The following ZHX2 variants were observed in gnomAD, a reference collection of about 807,000 sequenced individuals.
The protein encoded by ZHX2 is zinc fingers and homeoboxes protein 2.
A neutral mutation model predicts 21.9 loss-of-function variants in ZHX2; 6 were observed. The ratio of observed to expected loss-of-function variants is 0.27; its 90% CI spans 0.15 to 0.54. The LOEUF (loss-of-function observed/expected upper bound fraction) is 0.54. Among genes scored for constraint, ZHX2 ranks in the 20% least tolerant of loss-of-function variants. The pLI is 0.95. For missense variants in ZHX2, 908 were observed against 1,090.7 expected, an observed-to-expected ratio of 0.83 and a Z score of 2.36; for synonymous variants, 434 against 437.1, an observed-to-expected ratio of 0.99 and a Z score of 0.09.
At chr8:122,899,108 A>G (rs1023090556) in intron 2 of ZHX2, among the ~76,000 whole-genome samples, 4 of 152,220 alleles carry the variant, frequency 2.6e-5, no homozygotes, top group African/African-American at 9.6e-5. Context: ...GGCCCAAGGC[A>G]CTGAGCTGGA....
At chr8:122,896,708 C>T (rs892058010) in intron 2 of ZHX2, among the ~76,000 whole-genome samples, 37 of 152,348 alleles carry the variant, frequency 2.4e-4, no homozygotes, top group African/African-American at 8.4e-4. Flanking sequence ...AGCCACCTGT[C>T]TGGCTCTGAA....
chr8:122,805,141 A>G (rs779817158), intron 1 of ZHX2, among the ~76,000 whole-genome samples: 1 of 152,082 alleles, frequency 6.6e-6, no homozygotes, highest in Non-Finnish European at 1.5e-5. Flanking sequence ...TGTGAGAAGC[A>G]AAGGAAGCGC....
chr8:122,853,057 C>T (rs888510953), intron 1 of ZHX2, among the ~76,000 whole-genome samples: 2 of 152,176 alleles, frequency 1.3e-5, no homozygotes, highest in Non-Finnish European at 2.9e-5. Context: ...GAAAACTGAT[C>T]TTCCAGTCAC....
Position 122,952,240 on chromosome 8 carries a change from C to A in ZHX2, c.730C>A (p.Pro244Thr), listed in dbSNP as rs1428942557. 1 of 1,614,030 alleles carries A rather than the reference C, an allele frequency of 6.2e-7. No homozygotes were observed. The highest frequency in any genetic ancestry group is 2.2e-5 in the East Asian group (1 of 44,868). ...LLQDTLGHVM[P>T]SVQLPPNINL... ...CCAAGACACATTAGGACACGTCATG[C>A]CTTCTGTACAGCTGCCACCAAATAT... The change falls in exon 3 of 4, where the codon CCT (proline) becomes ACT (threonine). Residue 244 changes from proline (P) to threonine (T), a missense_variant. By Grantham distance (38) the Pro-to-Thr change is conservative. Transcript: ENST00000314393. This position sits in a 1 kb window ranked among gnomAD's most constrained non-coding sequence, Gnocchi z 6.9.
chr8:122,810,985 A>T (rs1292756453), intron 1 of ZHX2, among the ~76,000 whole-genome samples: 2 of 152,110 alleles, frequency 1.3e-5, no homozygotes, highest in Non-Finnish European at 2.9e-5. Flanking sequence ...GGAATGTTTG[A>T]TGTTAGAGTT....
At position 122,782,430 on chromosome 8, in the gene ZHX2, C is replaced by A. The variant is rs1291707714; in HGVS notation, c.-283+484C>A. Among the ~76,000 whole-genome samples, 1 of 152,110 alleles carries A rather than the reference C, an allele frequency of 6.6e-6. No individual in the cohort carries two copies. The highest frequency in any genetic ancestry group is 2.4e-5 in the African/African-American group (1 of 41,420). ...GCGCTTTGTGCAAACGGGGCAGGTC[C>A]CGCGGGGACTCCACCGGGACGTGGC... On this transcript the variant is annotated intron_variant, in intron 1 of 3. Transcript: ENST00000314393. This position sits in a 1 kb window ranked among gnomAD's most constrained non-coding sequence, Gnocchi z 5.3.
At chr8:122,814,916 A>G (rs576942350) in intron 1 of ZHX2, among the ~76,000 whole-genome samples, 1 of 152,292 alleles carries the variant, frequency 6.6e-6, no homozygotes, top group Non-Finnish European at 1.5e-5. Flanking sequence ...TAGGTCTGGG[A>G]AAATTAGCAG....
At position 122,789,973 on chromosome 8, in the gene ZHX2, G is replaced by A. The variant is rs190550291; in HGVS notation, c.-283+8027G>A. Among the ~76,000 whole-genome samples, 15 of 152,338 alleles carry A rather than the reference G, an allele frequency of 9.8e-5. No individual in the cohort carries two copies. The East Asian group carries it at 2.1e-3, about 22-fold the overall frequency. ...TCTTGGGCAGAAAGAGCCACAGAAC[G>A]GAAACGGTCTTGATCACTTCACAGT... On this transcript the variant is annotated intron_variant, in intron 1 of 3. Transcript: ENST00000314393.
intron 1 of ZHX2, among the ~76,000 whole-genome samples, chr8:122,825,329 C>T (rs543427173): frequency 1.2e-4 from 18 of 152,326 alleles, no homozygotes; most frequent in African/African-American, 3.4e-4. Flanking sequence ...TGCCTGGCTG[C>T]CTGGCTGGGT....
At chr8:122,792,946 C>T (rs1432495858) in intron 1 of ZHX2, among the ~76,000 whole-genome samples, 1 of 152,174 alleles carries the variant, frequency 6.6e-6, no homozygotes, top group African/African-American at 2.4e-5. Context: ...GTGTATAGGG[C>T]ACTGTGCTCA....
intron 1 of ZHX2, among the ~76,000 whole-genome samples, chr8:122,859,547 A>C (rs1344148511): frequency 6.6e-6 from 1 of 152,104 alleles, no homozygotes; most frequent in Non-Finnish European, 1.5e-5. Flanking sequence ...TGATGGGTTC[A>C]AGAAAGGAGA....
At chr8:122,879,552 T>C (rs993940254) in intron 2 of ZHX2, among the ~76,000 whole-genome samples, 1 of 150,978 alleles carries the variant, frequency 6.6e-6, no homozygotes, top group Non-Finnish European at 1.5e-5. Flanking sequence ...TATAACTCAA[T>C]ACTTTGAGTT....
intron 2 of ZHX2, among the ~76,000 whole-genome samples, chr8:122,868,129 G>A (rs913308645): frequency 3.9e-5 from 6 of 152,168 alleles, no homozygotes; most frequent in Admixed American, 2.0e-4. Context: ...ACGGTGATTC[G>A]GCTATTCCAC....
intron 1 of ZHX2, among the ~76,000 whole-genome samples, chr8:122,794,760 A>T (rs900392032): frequency 4.6e-5 from 7 of 151,968 alleles, no homozygotes; most frequent in African/African-American, 1.7e-4. Context: ...GTCATATCAG[A>T]CTGACCCCTG....
intron 1 of ZHX2, among the ~76,000 whole-genome samples, chr8:122,861,164 A>G (rs1819158414): frequency 6.6e-6 from 1 of 152,098 alleles, no homozygotes; most frequent in Admixed American, 6.5e-5. Context: ...AGCCAAGAGG[A>G]AGAACGTGGA....
intron 1 of ZHX2, among the ~76,000 whole-genome samples, chr8:122,844,523 G>A (rs1818710386): frequency 2.6e-5 from 4 of 152,208 alleles, no homozygotes; most frequent in Admixed American, 2.6e-4. Context: ...AGAGGTTCTG[G>A]TTTACTAATG....
intron 2 of ZHX2, among the ~76,000 whole-genome samples, chr8:122,887,263 C>T (rs570757902): frequency 6.6e-6 from 1 of 152,068 alleles, no homozygotes; most frequent in Non-Finnish European, 1.5e-5. Context: ...CCTGTAATCC[C>T]AGCGCTTTGG....
intron 1 of ZHX2, among the ~76,000 whole-genome samples, chr8:122,784,853 G>A (rs1363427578): frequency 6.6e-6 from 1 of 152,292 alleles, no homozygotes; most frequent in East Asian, 1.9e-4. Context: ...AAGCGGAGTG[G>A]CAGCCCCCAG....
intron 2 of ZHX2, among the ~76,000 whole-genome samples, chr8:122,937,910 T>C (rs1254549980): frequency 6.7e-6 from 1 of 148,778 alleles, no homozygotes; most frequent in Non-Finnish European, 1.5e-5. Context: ...ATTCATGTAT[T>C]ATGTTTCCTG....
Sources: gnomAD v4.1 joint callset for allele counts (sites outside exome capture counted in the v4.1 genomes callset) on GRCh38, gnomAD v4.1.1 for gene constraint, Gnocchi (gnomAD v3.1) non-coding constraint, MANE v1.5 for transcripts, NCBI Gene and HGNC (gene_info 2026-07-23, HGNC 2026-07-21) for gene names.